The following RNF2 variants were observed in gnomAD, a reference collection of about 807,000 sequenced individuals.
RNF2 encodes ring finger protein 2, also known as E3 ubiquitin-protein ligase RING2.
In RNF2, 6 loss-of-function variants were observed where a neutral mutation model predicts 37.2. That is an observed-to-expected ratio of 0.16 (90% CI 0.09 to 0.32). The LOEUF (loss-of-function observed/expected upper bound fraction) is 0.32. RNF2 is among the 10% of genes least tolerant of loss of function. RNF2 has a pLI of 1.00. For synonymous variants in RNF2, 133 were observed against 132.7 expected, an observed-to-expected ratio of 1.00 and a Z score of -0.02; for missense variants, 251 against 404.0, an observed-to-expected ratio of 0.62 and a Z score of 3.25.
chr1:185,080,386 G>T (rs1189609342), intron 1 of RNF2, among the ~76,000 whole-genome samples: 3 of 152,176 alleles, frequency 2.0e-5, no homozygotes, highest in Non-Finnish European at 4.4e-5. Flanking sequence ...CGATTTTGGG[G>T]CAGGGTGAAT....
At chr1:185,089,736 G>C (rs957004442) in intron 2 of RNF2, among the ~76,000 whole-genome samples, 1 of 152,082 alleles carries the variant, frequency 6.6e-6, no homozygotes, top group African/African-American at 2.4e-5. Context: ...GTGTTTATAA[G>C]ATGGAGATAG....
chr1:185,067,587 T>G (rs1650834138), intron 1 of RNF2, among the ~76,000 whole-genome samples: 1 of 152,038 alleles, frequency 6.6e-6, no homozygotes, highest in Non-Finnish European at 1.5e-5. Flanking sequence ...CATATCTCAT[T>G]AAAAGAGAGA....
chr1:185,060,007 G>A (rs1650552850), intron 1 of RNF2, among the ~76,000 whole-genome samples: 2 of 152,308 alleles, frequency 1.3e-5, no homozygotes, highest in South Asian at 2.1e-4. Flanking sequence ...ATTGACACAA[G>A]GGAATGTTAC....
chr1:185,086,229 T>A (rs1651597159), intron 1 of RNF2, among the ~76,000 whole-genome samples: 1 of 152,172 alleles, frequency 6.6e-6, no homozygotes, highest in South Asian at 2.1e-4. Context: ...TTATCGATTG[T>A]TGTTTATCTA....
At chr1:185,091,542 TTAAG>T (rs1327767244) in intron 2 of RNF2, 33 bp from the exon 3 acceptor site, 2 of 1,600,742 alleles carry the variant, frequency 1.2e-6, no homozygotes, top group Non-Finnish European at 1.7e-6. Context: ...TAATAAAAAA[TTAAG>T]TAGCTTTTAA....
chr1:185,064,799 G>A (rs1305957090), intron 1 of RNF2, among the ~76,000 whole-genome samples: 1 of 151,756 alleles, frequency 6.6e-6, no homozygotes, highest in Admixed American at 6.6e-5. Context: ...GTGCCTCCTT[G>A]GCTTAAGTTT....
At chr1:185,092,956 AG>A in intron 3 of RNF2, 104 bp from the exon 4 acceptor site, 1 of 906,388 alleles carries the variant, frequency 1.1e-6, no homozygotes, top group East Asian at 2.6e-5. Flanking sequence ...GACTTATTAA[AG>A]GTATTGGAAT....
intron 3 of RNF2, 98 bp downstream of exon 3, chr1:185,091,837 C>CA: frequency 1.7e-6 from 2 of 1,180,116 alleles, no homozygotes; most frequent in Admixed American, 4.6e-5. Flanking sequence ...TTTTTTGAGA[C>CA]AGAGTTTCGC....
intron 4 of RNF2, among the ~76,000 whole-genome samples, chr1:185,095,920 A>G (rs1330129597): frequency 2.0e-5 from 3 of 152,142 alleles, no homozygotes; most frequent in Admixed American, 6.5e-5. Flanking sequence ...CATTCTTAAA[A>G]TGCTACCATC....
At chr1:185,058,938 T>C (rs1246774825) in intron 1 of RNF2, among the ~76,000 whole-genome samples, 4 of 152,228 alleles carry the variant, frequency 2.6e-5, no homozygotes, top group African/African-American at 4.8e-5. Flanking sequence ...TGCCATACTT[T>C]TGCTGCTTTT....
chr1:185,066,428 C>G (rs966594246), intron 1 of RNF2, among the ~76,000 whole-genome samples: 1 of 152,210 alleles, frequency 6.6e-6, no homozygotes, highest in African/African-American at 2.4e-5. Flanking sequence ...GGTTAACTTT[C>G]ACTTCACCTT....
At chr1:185,088,521 A>G (rs1195166783) in intron 2 of RNF2, among the ~76,000 whole-genome samples, 1 of 150,536 alleles carries the variant, frequency 6.6e-6, no homozygotes, top group East Asian at 1.9e-4. Flanking sequence ...GCGCCATTGC[A>G]CTCCAGCCTG....
intron 1 of RNF2, among the ~76,000 whole-genome samples, chr1:185,076,196 A>G (rs1487124782): frequency 6.8e-6 from 1 of 147,224 alleles, no homozygotes; most frequent in Non-Finnish European, 1.5e-5. Context: ...CGAAATATGA[A>G]CCTTTCAGTC....
At chr1:185,050,750 A>G (rs1189690283) in intron 1 of RNF2, among the ~76,000 whole-genome samples, 2 of 152,246 alleles carry the variant, frequency 1.3e-5, no homozygotes, top group African/African-American at 2.4e-5. Flanking sequence ...CATAGTACCA[A>G]TAGGTGATCT....
rs1651817028 is a variant in RNF2, at chr1:185,093,166, T to C, written c.354T>C (p.Asp118=). Residue 118 remains aspartate (D), a synonymous_variant, in exon 4 of 7, where the codon GAT becomes GAC. Transcript: ENST00000367510. ...TCAGCAAAATTTATCCAAGTCGTGA[T>C]GAGTATGAAGCTCATCAAGAGAGAG... ...ALISKIYPSR[D]EYEAHQERVL... 1 of 1,613,970 alleles carries C rather than the reference T, an allele frequency of 6.2e-7. No homozygotes were observed. The highest frequency in any genetic ancestry group is 1.7e-5 in the Admixed American group (1 of 59,998).
intron 1 of RNF2, among the ~76,000 whole-genome samples, chr1:185,082,345 C>CTTTTTTTTTCTTTTTTTTTTTTTTTTTT (rs1651444010): frequency 1.4e-5 from 1 of 72,000 alleles, no homozygotes; most frequent in Non-Finnish European, 2.9e-5. Flanking sequence ...CTCTGCAGAA[C>CTTTTTTTTTCTTTTTTTTTTTTTTTTTT]TTTTTTTTTT....
intron 1 of RNF2, among the ~76,000 whole-genome samples, chr1:185,082,535 A>T (rs891048881): frequency 1.3e-5 from 2 of 149,118 alleles, no homozygotes; most frequent in Non-Finnish European, 3.0e-5. Context: ...TTTTTTTTTT[A>T]GTAGAGACAG....
intron 1 of RNF2, among the ~76,000 whole-genome samples, chr1:185,082,534 T>G (rs1237519662): frequency 6.6e-6 from 1 of 150,466 alleles, no homozygotes; most frequent in Admixed American, 6.7e-5. Context: ...ATTTTTTTTT[T>G]AGTAGAGACA....
Position 185,102,333 on chromosome 1 carries a change from A to T in RNF2, c.*2032A>T, listed in dbSNP as rs1181480073. The T allele has an allele frequency of 6.6e-6, 1 of 152,188 alleles. No homozygotes were observed. Among genetic ancestry groups the T allele is most frequent in the East Asian group, 1.9e-4 (1 of 5,202 alleles). 9.4% of individuals were successfully genotyped at this position (152,188 alleles called of 1,614,324 possible). On this transcript the variant is annotated 3_prime_UTR_variant, in exon 7 of 7. Coordinates refer to ENST00000367510, the MANE Select transcript of RNF2 (RefSeq NM_007212.4). ...CCAGGGTTTCAAAAAGTATTACCTA[A>T]GTAATTTCTTTTATCACTATCTCAA...
Sources: gnomAD v4.1 joint callset for allele counts (sites outside exome capture counted in the v4.1 genomes callset) on GRCh38, gnomAD v4.1.1 for gene constraint, MANE v1.5 for transcripts, NCBI Gene and HGNC (gene_info 2026-07-23, HGNC 2026-07-21) for gene names.